The following RTL9 variants were observed in gnomAD, a reference collection of about 807,000 sequenced individuals.
The protein encoded by RTL9 is retrotransposon Gag-like protein 9.
RTL9 carries 19 observed loss-of-function variants against 44.7 expected under a neutral mutation model. The observed-to-expected ratio is 0.42, with a 90% CI of 0.30 to 0.62. RTL9 has a LOEUF of 0.62. Among genes scored for constraint, RTL9 ranks in the 20% least tolerant of loss-of-function variants. RTL9 has a pLI of 0.16. For synonymous variants in RTL9, 407 were observed against 398.9 expected (o/e 1.02, Z -0.24); for missense variants, 1,105 against 1,080.6 (o/e 1.02, Z -0.32).
At chrX:110,433,107 C>T (rs1418167545) in intron 1 of RTL9, among the ~76,000 whole-genome samples, 4 of 112,465 alleles carry the variant, frequency 3.6e-5, no homozygotes, top group Non-Finnish European at 7.5e-5. Context: ...GAGAACCTGT[C>T]AGCTGTGGCT....
chrX:110,405,953 A>T (rs1041359221), intron 1 of RTL9, among the ~76,000 whole-genome samples: 1 of 111,656 alleles, frequency 9.0e-6, no homozygotes, highest in African/African-American at 3.3e-5. Flanking sequence ...TAATTTTATG[A>T]GACTGTAATT....
chrX:110,419,871 A>T (rs956273258), intron 1 of RTL9, among the ~76,000 whole-genome samples: 1 of 112,410 alleles, frequency 8.9e-6, no homozygotes, highest in Non-Finnish European at 1.9e-5. Flanking sequence ...TTTATTGGGT[A>T]TTTACTATGT....
At chrX:110,421,411 G>A (rs992199747) in intron 1 of RTL9, among the ~76,000 whole-genome samples, 3 of 112,623 alleles carry the variant, frequency 2.7e-5, no homozygotes, top group Non-Finnish European at 5.6e-5. Context: ...GAGACCTAAT[G>A]TCTGTGAGGG....
chrX:110,371,771 G>A (rs2068340562), intron 1 of RTL9, among the ~76,000 whole-genome samples: 2 of 111,353 alleles, frequency 1.8e-5, no homozygotes, highest in African/African-American at 6.5e-5. Context: ...ATCTTCTAAA[G>A]CTATGGCTAC....
At position 110,397,808 on chromosome X, in the gene RTL9, G is replaced by A. The variant is rs773349944; in HGVS notation, c.-168+38892G>A. On this transcript the variant is annotated intron_variant, in intron 1 of 2. Coordinates refer to the RTL9 transcript ENST00000520821. ...GTGAAAAGGAAGTAATGGACTTGGG[G>A]GGGCAAACAGGCCTGGGGACAGCAC... is the stretch of plus-strand genomic sequence containing the variant. 9.8e-5 allele frequency among the ~76,000 whole-genome samples: 11 copies of A among 111,906 alleles called. No homozygotes were observed. In the South Asian group the frequency reaches 4.2e-3, roughly 43 times the overall value.
rs200006075 is a variant in RTL9, at chrX:110,451,672, C to T, written c.1055C>T (p.Thr352Met). 1.1e-4 allele frequency: 136 copies of T among 1,209,859 alleles called. No individual in the cohort carries two copies. Among genetic ancestry groups the T allele is most frequent in the Non-Finnish European group, 1.4e-4 (123 of 895,104 alleles). The change falls in exon 1 of 2, where the codon ACG becomes ATG. Residue 352 changes from threonine (T) to methionine (M), a missense_variant. Transcript: ENST00000540313. ...GAAGCAATGTCCCCAGCACTAATGA[C>T]GGCCCTACCCTCTGGAGTGATGCCC...
exon 1 of RTL9, chrX:110,450,578 T>C: frequency 8.8e-7 from 1 of 1,138,962 alleles, no homozygotes; most frequent in South Asian, 1.9e-5. Flanking sequence ...TTTTCTTGCC[T>C]CCTGGGCTCC....
intron 1 of RTL9, among the ~76,000 whole-genome samples, chrX:110,394,311 C>T (rs2068514605): frequency 9.0e-6 from 1 of 111,258 alleles, no homozygotes; most frequent in Non-Finnish European, 1.9e-5. Flanking sequence ...AGTGCAGTGG[C>T]GCAATCACGG....
intron 1 of RTL9, among the ~76,000 whole-genome samples, chrX:110,409,099 T>A (rs1602979707): frequency 9.0e-6 from 1 of 111,611 alleles, no homozygotes; most frequent in East Asian, 2.8e-4. Flanking sequence ...TTATAAATAA[T>A]GAATAATGAA....
intron 1 of RTL9, among the ~76,000 whole-genome samples, chrX:110,385,191 C>T (rs1212780520): frequency 9.0e-6 from 1 of 111,392 alleles, no homozygotes; most frequent in Admixed American, 9.6e-5. Flanking sequence ...ATTTCTCCAT[C>T]TATCAAATAG....
At chrX:110,392,029 C>A (rs1265955877) in intron 1 of RTL9, among the ~76,000 whole-genome samples, 1 of 112,004 alleles carries the variant, frequency 8.9e-6, no homozygotes, top group Non-Finnish European at 1.9e-5. Context: ...ATAAAGTTCC[C>A]ATGAGAGTAT....
chrX:110,406,147 G>A (rs1363445859), intron 1 of RTL9, among the ~76,000 whole-genome samples: 1 of 108,492 alleles, frequency 9.2e-6, no homozygotes, highest in African/African-American at 3.4e-5. Context: ...TGTGTTACAT[G>A]TGCAGAACTT....
At chrX:110,425,352 G>A (rs1407510390) in intron 1 of RTL9, among the ~76,000 whole-genome samples, 1 of 112,264 alleles carries the variant, frequency 8.9e-6, no homozygotes, top group African/African-American at 3.2e-5. Flanking sequence ...TTCCCACTCC[G>A]CAATTTCTCA....
At chrX:110,370,685 C>T (rs779766776) in intron 1 of RTL9, among the ~76,000 whole-genome samples, 4 of 112,299 alleles carry the variant, frequency 3.6e-5, no homozygotes, top group South Asian at 7.4e-4. Context: ...CAAATGCCAT[C>T]GGGGCAAGCT....
intron 1 of RTL9, among the ~76,000 whole-genome samples, chrX:110,419,315 G>A (rs2068701215): frequency 8.9e-6 from 1 of 112,210 alleles, no homozygotes; most frequent in South Asian, 3.8e-4. Context: ...TGCCTGGACT[G>A]CCCTTCCTCT....
At chrX:110,392,208 G>T (rs2068498585) in intron 1 of RTL9, among the ~76,000 whole-genome samples, 1 of 110,639 alleles carries the variant, frequency 9.0e-6, no homozygotes, top group African/African-American at 3.3e-5. Flanking sequence ...AATGTACATG[G>T]GAGAAAATGG....
chrX:110,435,069 AGGG>A (rs2068827080), intron 1 of RTL9, among the ~76,000 whole-genome samples: 1 of 71,914 alleles, frequency 1.4e-5, no homozygotes, highest in Non-Finnish European at 2.5e-5. Context: ...GGAGGGAAGG[AGGG>A]AGGGGGGAGG....
intron 1 of RTL9, among the ~76,000 whole-genome samples, chrX:110,383,091 TTTCCTCCTCATCTCAG>T (rs1343912671): frequency 6.3e-5 from 7 of 111,758 alleles, no homozygotes; most frequent in Non-Finnish European, 1.3e-4. Flanking sequence ...CTAATAGCTT[TTTCCTCCTCATCTCAG>T]AACCACCCCT....
chrX:110,450,480 A>C, upstream of RTL9: 1 of 528,418 alleles, frequency 1.9e-6, no homozygotes, highest in Admixed American at 3.1e-5. Context: ...CAACGCATAA[A>C]AACAGGTCTC....
Sources: gnomAD v4.1 joint callset for allele counts (sites outside exome capture counted in the v4.1 genomes callset) on GRCh38, gnomAD v4.1.1 for gene constraint, MANE v1.5 for transcripts, NCBI Gene and HGNC (gene_info 2026-07-23, HGNC 2026-07-21) for gene names.